Variants in RAD23B observed in about 807,000 individuals in gnomAD.
RAD23B encodes lysine-specific demethylase RAD23B.
A neutral mutation model predicts 49.1 loss-of-function variants in RAD23B; 5 were observed. That is an observed-to-expected ratio of 0.10 (90% CI 0.05 to 0.21). The LOEUF (loss-of-function observed/expected upper bound fraction) is 0.21, where lower values mean the gene tolerates loss of function less well. RAD23B is among the 10% of genes least tolerant of loss of function. The probability of loss-of-function intolerance (pLI) is 1.00; values close to 1 mark genes in which losing one functional copy is unlikely to be tolerated. For missense variants in RAD23B, 356 were observed against 486.7 expected (o/e 0.73, Z 2.53); for synonymous variants, 184 against 165.4 (o/e 1.11, Z -0.86).
rs1656167639 is a variant in RAD23B at position 107,330,202 on chromosome 9, T to C, written c.*546T>C. The C allele has an allele frequency of 6.6e-6, 1 of 152,646 alleles. No individual in the cohort carries two copies. Among genetic ancestry groups the C allele is most frequent in the Admixed American group, 6.5e-5 (1 of 15,276 alleles). The allele number at this position is 152,646 out of a possible 1,614,324, so 9.5% of individuals were successfully genotyped here. A position where few individuals can be genotyped will look rare whatever the true frequency, so the allele number is the denominator to read the frequency against. The stretch of plus-strand genomic sequence containing the variant: ...TTAATATGTAAGGAAGCCCATTCTT[T>C]CATGTTAAATACTTGGGGTGGGAGG... On this transcript the variant is annotated 3_prime_UTR_variant, in exon 10 of 10. Transcript: ENST00000358015. This position sits in a 1 kb window ranked among gnomAD's most constrained non-coding sequence, Gnocchi z 4.4.
At chr9:107,325,872 G>GT (rs968137567) in intron 9 of RAD23B, among the ~76,000 whole-genome samples, 3 of 152,104 alleles carry the variant, frequency 2.0e-5, no homozygotes, top group African/African-American at 7.2e-5. Context: ...TTATCTATGG[G>GT]TTTTTTGTGG....
intron 4 of RAD23B, among the ~76,000 whole-genome samples, chr9:107,309,562 A>G (rs1826847992): frequency 6.6e-6 from 1 of 152,208 alleles, no homozygotes; most frequent in African/African-American, 2.4e-5. Flanking sequence ...AGTGAGACAG[A>G]ATCAAGATTA....
intron 9 of RAD23B, among the ~76,000 whole-genome samples, chr9:107,326,891 G>T (rs1244439846): frequency 6.6e-6 from 1 of 151,774 alleles, no homozygotes; most frequent in African/African-American, 2.4e-5. Context: ...CACCCGCCTC[G>T]GCCTCCTAAA....
chr9:107,291,912 A>G (rs1423937187), intron 1 of RAD23B, among the ~76,000 whole-genome samples: 1 of 152,180 alleles, frequency 6.6e-6, no homozygotes, highest in Non-Finnish European at 1.5e-5. Flanking sequence ...CTTTTAAATG[A>G]AATCTCTTTT....
chr9:107,287,023 T>C (rs1833283532), intron 1 of RAD23B, among the ~76,000 whole-genome samples: 1 of 148,122 alleles, frequency 6.8e-6, no homozygotes, highest in Non-Finnish European at 1.5e-5. Flanking sequence ...TGCAGTGAGC[T>C]GAGATCACTC....
chr9:107,286,373 A>G (rs138277001), intron 1 of RAD23B, among the ~76,000 whole-genome samples: 146 of 152,298 alleles, frequency 9.6e-4, no homozygotes, highest in African/African-American at 3.4e-3. Flanking sequence ...TTGGCTATAG[A>G]GTAGGGGGAT....
intron 5 of RAD23B, among the ~76,000 whole-genome samples, chr9:107,317,342 G>C (rs1827018045): frequency 6.6e-6 from 1 of 152,072 alleles, no homozygotes; most frequent in African/African-American, 2.4e-5. Flanking sequence ...AAATCACCAG[G>C]GTTTTTGTCC....
chr9:107,301,178 C>CT (rs1826643716), intron 2 of RAD23B, among the ~76,000 whole-genome samples: 1 of 152,230 alleles, frequency 6.6e-6, no homozygotes. Flanking sequence ...TCGTGCATTT[C>CT]TAAGTTCTGT....
intron 3 of RAD23B, among the ~76,000 whole-genome samples, chr9:107,304,729 A>G (rs1473648128): frequency 1.3e-5 from 2 of 152,182 alleles, no homozygotes; most frequent in African/African-American, 4.8e-5. Context: ...ACAGGTAGCG[A>G]GCATTGAGAG....
chr9:107,286,033 AG>A (rs1833267626), intron 1 of RAD23B, among the ~76,000 whole-genome samples: 1 of 152,348 alleles, frequency 6.6e-6, no homozygotes, highest in South Asian at 2.1e-4. Context: ...GAGGTAACCA[AG>A]GATATTAGAA....
intron 1 of RAD23B, among the ~76,000 whole-genome samples, 193 bp from the exon 2 acceptor site, chr9:107,299,948 T>C (rs573630250): frequency 7.9e-5 from 12 of 152,310 alleles, no homozygotes; most frequent in African/African-American, 2.6e-4. Flanking sequence ...TGTTAAAGTT[T>C]ATGGCTATCA....
rs1428226150 is a variant in RAD23B at position 107,306,593 on chromosome 9, C to T, written c.443C>T (p.Pro148Leu). Residue 148 changes from proline (P) to leucine (L), a missense_variant, in exon 4 of 10, where the codon CCT becomes CTT. Physicochemically the swap from Pro to Leu is moderately conservative, Grantham distance 98 (BLOSUM62 -3). Transcript: ENST00000358015. ...GCTAGTGCAGCTAAACAAGAGAAGC[C>T]TGCAGAAAAGCCAGCAGAGACACCA... ...APASAAKQEK[P>L]AEKPAETPVA... is the part of the protein sequence containing the mutation. The T allele has an allele frequency of 6.2e-7, 1 of 1,614,162 alleles. No homozygotes were observed. Among genetic ancestry groups the T allele is most frequent in the Non-Finnish European group, 8.5e-7 (1 of 1,180,024 alleles).
At chr9:107,292,562 C>T (rs1334118045) in intron 1 of RAD23B, among the ~76,000 whole-genome samples, 1 of 151,614 alleles carries the variant, frequency 6.6e-6, no homozygotes, top group Admixed American at 6.6e-5. Flanking sequence ...CACCTGTAGT[C>T]TCAGCTACTT....
In RAD23B at chr9:107,283,506, C is replaced by T. The variant is rs182035375; in HGVS notation, c.-124C>T. 4,349 of 637,442 alleles carry T rather than the reference C, an allele frequency of 6.8e-3. 17 individuals are homozygous for T. Among genetic ancestry groups the T allele is most frequent in the Non-Finnish European group, 8.2e-3 (3,381 of 412,238 alleles). 39.5% of individuals were successfully genotyped at this position (637,442 alleles called of 1,614,324 possible). On this transcript the variant is annotated 5_prime_UTR_variant, in exon 1 of 10. Coordinates refer to ENST00000358015, the MANE Select transcript of RAD23B (RefSeq NM_002874.5). ...CTGGGCGAATGTGACAAGCCCCCAC[C>T]CCCACCGCCTTCCTCCCCAGAGCGC...
intron 4 of RAD23B, 103 bp from the exon 5 acceptor site, chr9:107,311,579 T>A: frequency 1.3e-6 from 1 of 774,986 alleles, no homozygotes; most frequent in African/African-American, 1.8e-5. Context: ...TTATATTTAA[T>A]TAAAATCAAA....
intron 1 of RAD23B, among the ~76,000 whole-genome samples, chr9:107,293,168 G>A (rs1833418086): frequency 6.6e-6 from 1 of 151,834 alleles, no homozygotes; most frequent in African/African-American, 2.4e-5. Flanking sequence ...ATTGTGGCTG[G>A]CTTCTCCCAG....
At chr9:107,329,346 A>C (rs1471438464) in intron 9 of RAD23B, among the ~76,000 whole-genome samples, 197 bp from the exon 10 acceptor site, 2 of 152,242 alleles carry the variant, frequency 1.3e-5, no homozygotes, top group Non-Finnish European at 2.9e-5. Context: ...GATTCCATCT[A>C]ATCCCTTGGG....
Position 107,322,021 on chromosome 9 carries a change from C to A in RAD23B, c.720C>A (p.Asp240Glu). Reference sequence around the variant, plus strand: ...ATAGAGAAAGTCAGGCTGTGGTTGACCCCCCTCAAGCAGCTAGTACTGGGG... The same window carrying A: ...ATAGAGAAAGTCAGGCTGTGGTTGAACCCCCTCAAGCAGCTAGTACTGGGG... ...PGDRESQAVV[D>E]PPQAASTGAP... Residue 240 changes from aspartate to glutamate, a missense_variant, in exon 7 of 10, where the codon GAC becomes GAA. Transcript: ENST00000358015. 3 of 1,611,800 alleles carry A rather than the reference C, an allele frequency of 1.9e-6. 1 individual carries two copies. In the African/African-American group the frequency reaches 4.0e-5, roughly 22 times the overall value.
intron 3 of RAD23B, 27 bp downstream of exon 3, chr9:107,302,141 C>CT (rs1826667541): frequency 2.5e-6 from 4 of 1,609,512 alleles, no homozygotes; most frequent in Non-Finnish European, 3.4e-6. Flanking sequence ...TTCTGTATAT[C>CT]TTTATGCATG....
Sources: gnomAD v4.1 joint callset for allele counts (sites outside exome capture counted in the v4.1 genomes callset) on GRCh38, gnomAD v4.1.1 for gene constraint, Gnocchi (gnomAD v3.1) non-coding constraint, MANE v1.5 for transcripts, NCBI Gene and HGNC (gene_info 2026-07-23, HGNC 2026-07-21) for gene names.